CUL3: variants seen among roughly 807,000 people sequenced by gnomAD.
The protein encoded by CUL3 is cullin 3.
A neutral mutation model predicts 89.1 loss-of-function variants in CUL3; 19 were observed. The observed-to-expected ratio is 0.21, with a 90% CI of 0.15 to 0.31. CUL3 has a LOEUF of 0.31. CUL3 is among the 10% of genes least tolerant of loss of function. The pLI is 1.00. For missense variants in CUL3, 469 were observed against 942.3 expected (o/e 0.50, Z 6.58); for synonymous variants, 351 against 308.4 (o/e 1.14, Z -1.45).
chr2:224,520,396 A>G (rs1447674424), intron 3 of CUL3, among the ~76,000 whole-genome samples: 2 of 152,252 alleles, frequency 1.3e-5, no homozygotes, highest in Non-Finnish European at 2.9e-5. Flanking sequence ...GACTTCATCC[A>G]TACAGTAAGC....
In CUL3 at chr2:224,474,167, A is replaced by G; in HGVS notation, c.*78T>C. 2 of 1,415,102 alleles carry G rather than the reference A, an allele frequency of 1.4e-6. No individual in the cohort carries two copies. The highest frequency in any genetic ancestry group is 1.9e-6 in the Non-Finnish European group (2 of 1,034,472). The allele number at this position is 1,415,102 out of a possible 1,614,324, so 87.7% of individuals were successfully genotyped here. ...TTTAATAGAAGAGATGGTCGTCTTA[A>G]TATTTAATGATTTAAAAGAACTTCC... On this transcript the variant is annotated 3_prime_UTR_variant, in exon 16 of 16. Coordinates refer to ENST00000264414, the MANE Select transcript of CUL3 (RefSeq NM_003590.5).
chr2:224,553,917 C>T (rs990459642), intron 2 of CUL3, among the ~76,000 whole-genome samples: 1 of 152,146 alleles, frequency 6.6e-6, no homozygotes, highest in Non-Finnish European at 1.5e-5. Context: ...AAATATGGGA[C>T]CACTTTAAGC....
intron 1 of CUL3, among the ~76,000 whole-genome samples, chr2:224,575,580 AAAT>A (rs1695280743): frequency 6.6e-6 from 1 of 152,226 alleles, no homozygotes; most frequent in African/African-American, 2.4e-5. Context: ...TAGAATAATT[AAAT>A]AATAACACCT....
chr2:224,540,370 T>G (rs1024613176), intron 2 of CUL3, among the ~76,000 whole-genome samples: 2 of 151,684 alleles, frequency 1.3e-5, no homozygotes, highest in African/African-American at 4.8e-5. Flanking sequence ...TTGGTGTTAT[T>G]CTGAAAACGG....
chr2:224,544,135 T>C (rs754771978), intron 2 of CUL3, among the ~76,000 whole-genome samples: 1 of 152,232 alleles, frequency 6.6e-6, no homozygotes, highest in Non-Finnish European at 1.5e-5. Flanking sequence ...TCTTTACCTG[T>C]GATGTGACTA....
At chr2:224,502,923 C>A (rs2106193983) in intron 10 of CUL3, 42 bp downstream of exon 10, 1 of 1,410,066 alleles carries the variant, frequency 7.1e-7, no homozygotes, top group Non-Finnish European at 1.0e-6. Context: ...TTACAAAAGA[C>A]TTTACATGAA....
At chr2:224,543,903 T>A (rs1194501689) in intron 2 of CUL3, among the ~76,000 whole-genome samples, 1 of 152,014 alleles carries the variant, frequency 6.6e-6, no homozygotes, top group Non-Finnish European at 1.5e-5. Flanking sequence ...GAGGATCACT[T>A]AAGCCCAGGA....
intron 3 of CUL3, among the ~76,000 whole-genome samples, chr2:224,530,173 A>G (rs1166163297): frequency 6.6e-6 from 1 of 152,198 alleles, no homozygotes; most frequent in Non-Finnish European, 1.5e-5. Flanking sequence ...CGGAAGGCAG[A>G]GCTTGCAGTG....
intron 1 of CUL3, among the ~76,000 whole-genome samples, chr2:224,571,565 G>C (rs1480586368): frequency 6.6e-6 from 1 of 152,016 alleles, no homozygotes; most frequent in East Asian, 1.9e-4. Context: ...AATCAAATAA[G>C]ATATGACAGC....
At chr2:224,490,688 A>G (rs1691935278) in intron 13 of CUL3, among the ~76,000 whole-genome samples, 1 of 146,444 alleles carries the variant, frequency 6.8e-6, no homozygotes, top group South Asian at 2.3e-4. Context: ...CACGTTCTGC[A>G]CATACATCCC....
At chr2:224,539,023 G>A (rs1438093081) in intron 2 of CUL3, among the ~76,000 whole-genome samples, 6 of 77,966 alleles carry the variant, frequency 7.7e-5, no homozygotes, top group African/African-American at 2.1e-4. Context: ...AGACTTCAGT[G>A]AAGAGAATGA....
At chr2:224,507,143 T>C in intron 6 of CUL3, 140 bp from the exon 7 acceptor site, 1 of 581,416 alleles carries the variant, frequency 1.7e-6, no homozygotes, top group Non-Finnish European at 2.8e-6. Flanking sequence ...AAAATATACA[T>C]ATATTGATAT....
intron 1 of CUL3, among the ~76,000 whole-genome samples, chr2:224,561,563 G>C (rs564157375): frequency 1.3e-5 from 2 of 152,282 alleles, no homozygotes; most frequent in African/African-American, 4.8e-5. Flanking sequence ...TTTCTGAAGA[G>C]CTTGAGAAGG....
chr2:224,576,846 C>T (rs1695312936), intron 1 of CUL3, among the ~76,000 whole-genome samples: 1 of 152,182 alleles, frequency 6.6e-6, no homozygotes, highest in African/African-American at 2.4e-5. Context: ...TACACACTTA[C>T]TCTAAGGATT....
intron 11 of CUL3, among the ~76,000 whole-genome samples, chr2:224,498,934 A>G (rs1692271374): frequency 6.6e-6 from 1 of 152,370 alleles, no homozygotes; most frequent in South Asian, 2.1e-4. Flanking sequence ...TGTAGAGAAG[A>G]CAGCAGGAAT....
intron 6 of CUL3, among the ~76,000 whole-genome samples, chr2:224,509,265 G>C (rs979182140): frequency 2.0e-4 from 31 of 152,106 alleles, no homozygotes; most frequent in African/African-American, 7.2e-4. Flanking sequence ...CCAGGCTGGA[G>C]TGCAGTGGCA....
intron 1 of CUL3, among the ~76,000 whole-genome samples, chr2:224,574,461 C>T (rs888550161): frequency 6.6e-6 from 1 of 152,136 alleles, no homozygotes; most frequent in South Asian, 2.1e-4. Flanking sequence ...AAAAAAGATT[C>T]ATTAATAATT....
intron 13 of CUL3, among the ~76,000 whole-genome samples, chr2:224,491,497 C>A (rs1448803788): frequency 1.3e-5 from 2 of 152,166 alleles, no homozygotes; most frequent in Non-Finnish European, 2.9e-5. Flanking sequence ...AATTGACAAT[C>A]ATATTATCTA....
At chr2:224,500,535 G>A (rs775333847) in intron 10 of CUL3, 48 bp from the exon 11 acceptor site, 5 of 1,592,592 alleles carry the variant, frequency 3.1e-6, no homozygotes, top group Non-Finnish European at 4.3e-6. Context: ...ACTAGGATTT[G>A]CTTTCTGTTC....
Sources: allele counts gnomAD v4.1 joint callset (sites outside exome capture counted in the v4.1 genomes callset), GRCh38; gene constraint gnomAD v4.1.1; transcripts MANE v1.5; gene names NCBI Gene and HGNC (gene_info 2026-07-23, HGNC 2026-07-21).